The following METTL16 variants were observed in gnomAD, a reference collection of about 807,000 sequenced individuals.
METTL16 encodes methyltransferase 16, RNA N6-adenosine, also known as RNA N(6)-adenosine-methyltransferase METTL16.
Under a neutral mutation model 57.9 loss-of-function variants are expected in METTL16, and 19 were observed. That is an observed-to-expected ratio of 0.33 (90% confidence interval 0.23 to 0.48). The LOEUF is 0.48. METTL16 is among the 20% of genes least tolerant of loss of function. METTL16 has a pLI of 0.99. For missense variants in METTL16, 434 were observed against 691.5 expected (o/e 0.63, Z 4.18); for synonymous variants, 246 against 255.6 (o/e 0.96, Z 0.36).
chr17:2,418,936 G>A lies in METTL16; in HGVS notation c.*1034C>T, dbSNP rs527507004. ...CTACTGAACCCTGGCATTCCAATTA[G>A]AAACGTGTTTCAAGGACACAGTTAC... On this transcript the variant is annotated 3_prime_UTR_variant, in exon 10 of 10. Coordinates refer to ENST00000263092, the MANE Select transcript of METTL16 (RefSeq NM_024086.4). 6.6e-6 allele frequency: 1 copy of A among 152,264 alleles called. No individual in the cohort carries two copies. The highest frequency in any genetic ancestry group is 6.5e-5 in the Admixed American group (1 of 15,268). The allele number at this position is 152,264 out of a possible 1,614,324, so 9.4% of individuals were successfully genotyped here. A position where few individuals can be genotyped will look rare whatever the true frequency, so the allele number is the denominator to read the frequency against.
rs1184163218 is a variant in METTL16 at position 2,416,933 on chromosome 17, A to C, written c.*3037T>G. 6.6e-6 allele frequency: 1 copy of C among 152,418 alleles called. No individual in the cohort carries two copies. The highest frequency in any genetic ancestry group is 1.5e-5 in the Non-Finnish European group (1 of 68,206). The allele number at this position is 152,418 out of a possible 1,614,324, so 9.4% of individuals were successfully genotyped here. A position where few individuals can be genotyped will look rare whatever the true frequency, so the allele number is the denominator to read the frequency against. On this transcript the variant is annotated 3_prime_UTR_variant, in exon 10 of 10. Transcript: ENST00000263092. Reference sequence around the variant, plus strand: ...CCAAAACAATGCTTAGATGTCCTTTAAAAATATTTTCAATGTTCTCTCACT... The same window carrying C: ...CCAAAACAATGCTTAGATGTCCTTTCAAAATATTTTCAATGTTCTCTCACT...
chr17:2,423,448 G>A lies in METTL16; in HGVS notation c.889-2544C>T, dbSNP rs1161786471. ...TTGTTATTACTCAATCATCCTGCAT[G>A]AGAAACATAATTTCTAGTCTACTGA... On this transcript the variant is annotated intron_variant, in intron 8 of 9. Coordinates refer to ENST00000263092, the MANE Select transcript of METTL16 (RefSeq NM_024086.4). Among the ~76,000 whole-genome samples the A allele has an allele frequency of 2.0e-5, 3 of 152,138 alleles. No homozygotes were observed. The East Asian group carries it at 5.8e-4, about 29-fold the overall frequency.
intron 1 of METTL16, among the ~76,000 whole-genome samples, chr17:2,503,735 TAAAC>T (rs1345339933): frequency 1.3e-5 from 2 of 151,596 alleles, no homozygotes; most frequent in Admixed American, 6.6e-5. Context: ...TAAATATGGA[TAAAC>T]AAAATACAGT....
chr17:2,448,158 G>A (rs765703694), intron 6 of METTL16, among the ~76,000 whole-genome samples: 131 of 149,346 alleles, frequency 8.8e-4, no homozygotes, highest in African/African-American at 2.9e-3. Flanking sequence ...CGCCCCGTCC[G>A]GGAGGTGAGG....
At chr17:2,471,744 C>T (rs1013747274) in intron 4 of METTL16, among the ~76,000 whole-genome samples, 3 of 151,870 alleles carry the variant, frequency 2.0e-5, no homozygotes, top group East Asian at 2.0e-4. Flanking sequence ...GCCGAGATTG[C>T]GCCACTGCAC....
chr17:2,465,016 A>G (rs1232815717), intron 5 of METTL16, among the ~76,000 whole-genome samples: 1 of 152,230 alleles, frequency 6.6e-6, no homozygotes, highest in Non-Finnish European at 1.5e-5. Context: ...ATGTTTGCAA[A>G]TCACTATCTA....
chr17:2,482,025 G>A (rs1289594557), intron 2 of METTL16, among the ~76,000 whole-genome samples: 2 of 152,172 alleles, frequency 1.3e-5, no homozygotes, highest in East Asian at 3.8e-4. Context: ...GAAAAAAAGT[G>A]TGACACAATT....
In METTL16 at chr17:2,492,241, A is replaced by T. The variant is rs531370720; in HGVS notation, c.128+9963T>A. ...TAAACAAATAAATAAATAAAAACAA[A>T]TCGGTTAAGTGTCACATTCTATTCA... is the stretch of plus-strand genomic sequence containing the variant. On this transcript the variant is annotated intron_variant, in intron 2 of 9. Transcript: ENST00000263092. Among the ~76,000 whole-genome samples the T allele has an allele frequency of 1.9e-3, 295 of 152,224 alleles. 2 individuals carry two copies. The highest frequency in any genetic ancestry group is 3.1e-3 in the Non-Finnish European group (214 of 68,008).
chr17:2,480,185 CA>C (rs953770502), intron 2 of METTL16, among the ~76,000 whole-genome samples: 150 of 61,890 alleles, frequency 2.4e-3, no homozygotes, highest in East Asian at 7.0e-3. Context: ...GACTCTGTCT[CA>C]AAAAAAAAAA....
At chr17:2,497,305 C>CCT (rs1555621562) in intron 2 of METTL16, among the ~76,000 whole-genome samples, 1 of 63,786 alleles carries the variant, frequency 1.6e-5, no homozygotes, top group Non-Finnish European at 2.7e-5. Context: ...TGCACCCGGC[C>CCT]TTTTTTTTTT....
chr17:2,476,223 G>C (rs1219681119), intron 3 of METTL16, among the ~76,000 whole-genome samples: 3 of 152,216 alleles, frequency 2.0e-5, no homozygotes, highest in African/African-American at 7.2e-5. Context: ...GCAAGTCTGA[G>C]ATGTTTTTCA....
intron 1 of METTL16, among the ~76,000 whole-genome samples, chr17:2,508,014 A>G (rs1301801414): frequency 6.6e-6 from 1 of 152,108 alleles, no homozygotes; most frequent in African/African-American, 2.4e-5. Flanking sequence ...TTCTCTGCCT[A>G]GGAAAACCAG....
intron 6 of METTL16, among the ~76,000 whole-genome samples, chr17:2,461,374 A>G (rs1409507290): frequency 6.6e-6 from 1 of 152,142 alleles, no homozygotes; most frequent in Non-Finnish European, 1.5e-5. Flanking sequence ...CAAAAAAACA[A>G]AAAACAAACA....
At chr17:2,423,478 C>T (rs1004224725) in intron 8 of METTL16, among the ~76,000 whole-genome samples, 15 of 152,160 alleles carry the variant, frequency 9.9e-5, no homozygotes, top group Admixed American at 2.6e-4. Flanking sequence ...TACTGAGAGC[C>T]TAACGCTTTG....
intron 8 of METTL16, among the ~76,000 whole-genome samples, chr17:2,433,189 G>A (rs1415367776): frequency 2.0e-5 from 3 of 152,186 alleles, no homozygotes; most frequent in African/African-American, 7.2e-5. Context: ...ACTGGGCTGG[G>A]TTGCAGTGGA....
At chr17:2,482,913 AAATAAT>A (rs1168678055) in intron 2 of METTL16, among the ~76,000 whole-genome samples, 1 of 151,900 alleles carries the variant, frequency 6.6e-6, no homozygotes, top group Non-Finnish European at 1.5e-5. Context: ...CCTGTCTCAA[AAATAAT>A]AATAATAATA....
rs2066712480 is a variant in METTL16 at position 2,416,083 on chromosome 17, T to C, written c.*3887A>G. ...CTTTCTACTTTTATTTTTCAAATTT[T>C]ATTTCTGTGAAAATGTATTTGTTTA... On this transcript the variant is annotated 3_prime_UTR_variant, in exon 10 of 10. Transcript: ENST00000263092. 1 of 152,248 alleles carries C rather than the reference T, an allele frequency of 6.6e-6. No homozygotes were observed. Among genetic ancestry groups the C allele is most frequent in the Non-Finnish European group, 1.5e-5 (1 of 68,054 alleles). 9.4% of individuals were successfully genotyped at this position (152,248 alleles called of 1,614,324 possible). A position where few individuals can be genotyped will look rare whatever the true frequency, so the allele number is the denominator to read the frequency against.
At chr17:2,466,031 A>G (rs1183176621) in intron 5 of METTL16, among the ~76,000 whole-genome samples, 1 of 151,966 alleles carries the variant, frequency 6.6e-6, no homozygotes, top group Non-Finnish European at 1.5e-5. Flanking sequence ...CGTCTCTACT[A>G]AAAATACAAA....
At chr17:2,484,391 A>G (rs759392825) in intron 2 of METTL16, among the ~76,000 whole-genome samples, 3 of 152,236 alleles carry the variant, frequency 2.0e-5, no homozygotes, top group East Asian at 1.9e-4. Flanking sequence ...CTCTGTGGAC[A>G]GTAACAAATA....
Sources: gnomAD v4.1 joint callset for allele counts (sites outside exome capture counted in the v4.1 genomes callset) on GRCh38, gnomAD v4.1.1 for gene constraint, MANE v1.5 for transcripts, NCBI Gene and HGNC (gene_info 2026-07-23, HGNC 2026-07-21) for gene names.